ADGRB3: variants seen among roughly 807,000 people sequenced by gnomAD.
ADGRB3 encodes the protein adhesion G protein-coupled receptor B3, also known as brain-specific angiogenesis inhibitor 3.
Under a neutral mutation model 193.4 loss-of-function variants are expected in ADGRB3, and 37 were observed. The observed-to-expected ratio is 0.19, with a 90% CI of 0.15 to 0.25. The LOEUF is 0.25. ADGRB3 is among the 10% of genes least tolerant of loss of function. The probability of loss-of-function intolerance (pLI) is 1.00; values close to 1 mark genes in which losing one functional copy is unlikely to be tolerated. For missense variants in ADGRB3, 1,637 were observed against 1,852.9 expected, an observed-to-expected ratio of 0.88 and a Z score of 2.14; for synonymous variants, 690 against 644.2, an observed-to-expected ratio of 1.07 and a Z score of -1.08.
At chr6:68,910,837 C>T (rs377708100) in intron 3 of ADGRB3, among the ~76,000 whole-genome samples, 1 of 152,080 alleles carries the variant, frequency 6.6e-6, no homozygotes, top group Non-Finnish European at 1.5e-5. Flanking sequence ...AGTCAAGTAG[C>T]GTGATGCCTC....
chr6:69,019,300 C>T (rs1470340068), intron 13 of ADGRB3, among the ~76,000 whole-genome samples: 1 of 151,920 alleles, frequency 6.6e-6, no homozygotes, highest in Admixed American at 6.6e-5. Context: ...AACCACTGAA[C>T]CATAGATAGA....
At chr6:69,341,754 A>G (rs1170310702) in intron 26 of ADGRB3, among the ~76,000 whole-genome samples, 1 of 152,162 alleles carries the variant, frequency 6.6e-6, no homozygotes, top group Non-Finnish European at 1.5e-5. Context: ...ATTAAGTAAC[A>G]AGATTGTTCT....
intron 20 of ADGRB3, among the ~76,000 whole-genome samples, chr6:69,319,218 T>TA (rs1768387335): frequency 6.6e-6 from 1 of 151,346 alleles, no homozygotes; most frequent in Non-Finnish European, 1.5e-5. Context: ...AAATAGTTTA[T>TA]AATTTAGAGT....
intron 17 of ADGRB3, among the ~76,000 whole-genome samples, chr6:69,097,521 T>C (rs1169985097): frequency 1.3e-5 from 2 of 152,224 alleles, no homozygotes; most frequent in Non-Finnish European, 2.9e-5. Flanking sequence ...TTTGTCTCAA[T>C]AGATTCTACT....
intron 10 of ADGRB3, among the ~76,000 whole-genome samples, chr6:68,989,148 A>G (rs1223203143): frequency 6.6e-6 from 1 of 152,176 alleles, no homozygotes; most frequent in Non-Finnish European, 1.5e-5. Context: ...AAACATTATG[A>G]AGAAGAATCA....
chr6:68,638,966 A>C lies in ADGRB3; in HGVS notation c.291A>C (p.Lys97Asn), dbSNP rs377083198. 6.8e-6 allele frequency: 11 copies of C among 1,614,066 alleles called. No individual in the cohort carries two copies. The South Asian group carries it at 1.1e-4, about 16-fold the overall frequency. Residue 97 changes from lysine (K) to asparagine (N), a missense_variant, in exon 3 of 32, where the codon AAA (lysine) becomes AAC (asparagine). Transcript: ENST00000370598. Reference protein sequence around the residue: ...AYQFDHFSHEKIKDLLRKNHS... With the variant: ...AYQFDHFSHENIKDLLRKNHS... ...AGTTTGATCATTTTTCCCATGAAAAAATAAAGGATCTTTTAAGAAAGAATC... is the reference window on the plus strand; with the variant it reads ...AGTTTGATCATTTTTCCCATGAAAACATAAAGGATCTTTTAAGAAAGAATC...
chr6:69,268,961 G>A (rs1458505193), intron 20 of ADGRB3, among the ~76,000 whole-genome samples: 2 of 151,962 alleles, frequency 1.3e-5, no homozygotes, highest in African/African-American at 4.8e-5. Flanking sequence ...TACTGCTACT[G>A]CTACTTCTAC....
At chr6:68,935,276 C>A (rs1425450381) in intron 4 of ADGRB3, among the ~76,000 whole-genome samples, 1 of 152,154 alleles carries the variant, frequency 6.6e-6, no homozygotes, top group Non-Finnish European at 1.5e-5. Context: ...CTGAGAAAAT[C>A]TGTGTGTTGA....
At position 69,062,561 on chromosome 6, in the gene ADGRB3, C is replaced by T. The variant is rs59831359; in HGVS notation, c.2334-373C>T. On this transcript the variant is annotated intron_variant, in intron 15 of 31. Coordinates refer to ENST00000370598, the MANE Select transcript of ADGRB3 (RefSeq NM_001704.3). ...CATTGCAATAAGAGTATTTGATCTC[C>T]GAGAGAACAAAACTCTTAGGTCCTC... Among the ~76,000 whole-genome samples the T allele has an allele frequency of 3.3e-3, 503 of 151,538 alleles. 2 individuals are homozygous for T. The highest frequency in any genetic ancestry group is 0.012 in the African/African-American group (485 of 41,384).
At chr6:68,960,149 A>G (rs544648820) in intron 8 of ADGRB3, among the ~76,000 whole-genome samples, 1 of 152,174 alleles carries the variant, frequency 6.6e-6, no homozygotes, top group Non-Finnish European at 1.5e-5. Context: ...TAGGATCATT[A>G]CTCTTTAGTC....
intron 13 of ADGRB3, among the ~76,000 whole-genome samples, chr6:69,040,866 A>T (rs551985805): frequency 6.6e-6 from 1 of 152,260 alleles, no homozygotes; most frequent in South Asian, 2.1e-4. Flanking sequence ...ATAAAATGCT[A>T]CATAGTTACT....
At chr6:68,991,964 T>G (rs1296778674) in intron 10 of ADGRB3, among the ~76,000 whole-genome samples, 1 of 152,130 alleles carries the variant, frequency 6.6e-6, no homozygotes, top group Non-Finnish European at 1.5e-5. Context: ...TCCATTATAT[T>G]GCACCACAAA....
intron 3 of ADGRB3, among the ~76,000 whole-genome samples, chr6:68,709,869 C>T (rs996386247): frequency 1.3e-5 from 2 of 152,166 alleles, no homozygotes; most frequent in South Asian, 2.1e-4. Context: ...GAAATAATTA[C>T]GTGCTTCAGT....
At chr6:68,906,721 T>A (rs755526092) in intron 3 of ADGRB3, among the ~76,000 whole-genome samples, 2 of 152,052 alleles carry the variant, frequency 1.3e-5, no homozygotes, top group Non-Finnish European at 2.9e-5. Context: ...GAATGGTTAA[T>A]GGAATGAGCA....
intron 10 of ADGRB3, among the ~76,000 whole-genome samples, chr6:68,976,639 A>T (rs185035051): frequency 6.6e-6 from 1 of 152,314 alleles, no homozygotes; most frequent in African/African-American, 2.4e-5. Context: ...TAAGCTAGAG[A>T]AAAGAAAATG....
intron 10 of ADGRB3, among the ~76,000 whole-genome samples, chr6:68,976,983 T>C (rs13197819): frequency 6.7e-6 from 1 of 149,536 alleles, no homozygotes; most frequent in East Asian, 1.9e-4. Flanking sequence ...AAACATAAAG[T>C]TTTATATTTA....
chr6:69,120,545 G>C (rs1188009582), intron 17 of ADGRB3, among the ~76,000 whole-genome samples: 1 of 152,212 alleles, frequency 6.6e-6, no homozygotes, highest in Non-Finnish European at 1.5e-5. Context: ...TGTCTTTAAA[G>C]AGTGAATGGT....
At chr6:69,127,775 T>G (rs541726855) in intron 17 of ADGRB3, among the ~76,000 whole-genome samples, 1 of 152,314 alleles carries the variant, frequency 6.6e-6, no homozygotes, top group South Asian at 2.1e-4. Context: ...TGAGAACAAC[T>G]TGGGTGCAAG....
In ADGRB3 at chr6:69,172,679, T is replaced by G. The variant is rs374928542; in HGVS notation, c.2481-60611T>G. The stretch of plus-strand genomic sequence containing the variant: ...AAAAAAAAAAAAAAAAAAAGAGAAA[T>G]AAAGAAAAAGAAAAGAAAGAAATAA... On this transcript the variant is annotated intron_variant, in intron 17 of 31. Coordinates refer to ENST00000370598, the MANE Select transcript of ADGRB3 (RefSeq NM_001704.3). Among the ~76,000 whole-genome samples the G allele has an allele frequency of 3.9e-4, 32 of 82,206 alleles. 1 individual carries two copies. The highest frequency in any genetic ancestry group is 1.2e-3 in the African/African-American group (26 of 22,082). 53.9% of individuals were successfully genotyped at this position (82,206 alleles called of 152,430 possible). A position where few individuals can be genotyped will look rare whatever the true frequency, so the allele number is the denominator to read the frequency against.
Sources: allele counts gnomAD v4.1 joint callset (sites outside exome capture counted in the v4.1 genomes callset), GRCh38; gene constraint gnomAD v4.1.1; transcripts MANE v1.5; gene names NCBI Gene and HGNC (gene_info 2026-07-23, HGNC 2026-07-21).